Variants in CKAP2 observed in about 807,000 individuals in gnomAD.
The protein encoded by CKAP2 is cytoskeleton associated protein 2, also known as cytoskeleton-associated protein 2.
Under a neutral mutation model 58.4 loss-of-function variants are expected in CKAP2, and 46 were observed. The observed-to-expected ratio is 0.79, with a 90% CI of 0.62 to 1.01. The LOEUF is 1.01. Ranked by LOEUF, CKAP2 falls within the 50% of genes least tolerant of loss-of-function variation. CKAP2 has a pLI of 0.00. For missense variants in CKAP2, 809 were observed against 796.4 expected (o/e 1.02, Z -0.19); for synonymous variants, 293 against 280.9 (o/e 1.04, Z -0.43).
chr13:52,455,697 C>A, intron 1 of CKAP2, 71 bp downstream of exon 1: 2 of 1,383,646 alleles, frequency 1.4e-6, no homozygotes, highest in South Asian at 1.8e-5. Flanking sequence ...GCGGTCGGGG[C>A]TCGGGGCCGC....
chr13:52,465,123 C>G (rs116659060), intron 5 of CKAP2, among the ~76,000 whole-genome samples, 172 bp from the exon 6 acceptor site: 1 of 152,088 alleles, frequency 6.6e-6, no homozygotes, highest in African/African-American at 2.4e-5. Flanking sequence ...AGGATAAAAT[C>G]AAGATCAAAT....
Position 52,475,141 on chromosome 13 carries a change from A to G in CKAP2, c.2049A>G (p.Ter683=), listed in dbSNP as rs767702348. ...TGTACTATGAGGCTGATACAACATA[A>G]GAGAAATAAAGCTCTGTTAGGGAAT... is the stretch of plus-strand genomic sequence containing the variant. ...CRVYYEADTT[*] The change falls in exon 9 of 9, where the codon TAA becomes TAG. Residue 683 remains the stop codon, a stop_retained_variant. Transcript: ENST00000258607. 8.1e-6 allele frequency: 13 copies of G among 1,611,548 alleles called. No individual in the cohort carries two copies. The highest frequency in any genetic ancestry group is 1.1e-5 in the Non-Finnish European group (13 of 1,178,654).
At chr13:52,464,148 TA>T (rs1958627017) in intron 5 of CKAP2, among the ~76,000 whole-genome samples, 1 of 152,228 alleles carries the variant, frequency 6.6e-6, no homozygotes, top group African/African-American at 2.4e-5. Flanking sequence ...TCATTATATT[TA>T]CACATTATTT....
At chr13:52,459,975 C>T (rs1958544437) in intron 2 of CKAP2, among the ~76,000 whole-genome samples, 1 of 152,088 alleles carries the variant, frequency 6.6e-6, no homozygotes, top group African/African-American at 2.4e-5. Context: ...GTCCTCCACC[C>T]CAGCCTCCCA....
In CKAP2 at chr13:52,465,302, CA is replaced by C. The variant is rs1958649801; in HGVS notation, c.1317del (p.Glu440LysfsTer7). The C allele has an allele frequency of 6.3e-7, 1 of 1,598,126 alleles. No homozygotes were observed. The highest frequency in any genetic ancestry group is 1.8e-5 in the Admixed American group (1 of 54,926). On this transcript the variant is annotated frameshift_variant, in exon 6 of 9. Coordinates refer to ENST00000258607, the MANE Select transcript of CKAP2 (RefSeq NM_018204.5). LOFTEE classifies it high-confidence loss of function. Reference protein sequence around the residue: ...ECLNLINEGCPKEDILVTLND... With the variant: ...ECLNLINEGCXKEDILVTLND... The stretch of plus-strand genomic sequence containing the variant: ...TTTTTCTTGCTTTTTTAGGGATGTC[CA>C]AAAGAAGATATACTGGTCACACTGA...
chr13:52,461,514 A>G lies in CKAP2; in HGVS notation c.688A>G (p.Asn230Asp), dbSNP rs747554869. The G allele has an allele frequency of 1.9e-5, 31 of 1,614,070 alleles. No individual in the cohort carries two copies. The highest frequency in any genetic ancestry group is 2.5e-5 in the Non-Finnish European group (29 of 1,180,046). ...CACCAGCAGTGTAACAGTGAAAAGTAATAGATCCTCCAATATGACTGCCAC... is the reference window on the plus strand; with the variant it reads ...CACCAGCAGTGTAACAGTGAAAAGTGATAGATCCTCCAATATGACTGCCAC... ...VNTSSVTVKS[N>D]RSSNMTATTK... Residue 230 changes from asparagine (N) to aspartate (D), a missense_variant, in exon 4 of 9, where the codon AAT (asparagine) becomes GAT (aspartate). Asn to Asp is a conservative substitution (Grantham distance 23, BLOSUM62 1). Around this residue, in one of 3 missense-constraint regions of CKAP2, gnomAD observed 523 missense variants for 492.4 expected, o/e 1.06. Coordinates refer to ENST00000258607, the MANE Select transcript of CKAP2 (RefSeq NM_018204.5).
intron 7 of CKAP2, among the ~76,000 whole-genome samples, chr13:52,471,137 A>G (rs546797606): frequency 2.0e-5 from 3 of 152,138 alleles, no homozygotes; most frequent in Non-Finnish European, 4.4e-5. Context: ...CAGCCTGGTG[A>G]CAGAGTGAGA....
At position 52,474,051 on chromosome 13, in the gene CKAP2, A is replaced by C. The variant is rs1208220965; in HGVS notation, c.1769A>C (p.Lys590Thr). The C allele has an allele frequency of 6.2e-7, 1 of 1,613,784 alleles. No individual in the cohort carries two copies. The highest frequency in any genetic ancestry group is 8.5e-7 in the Non-Finnish European group (1 of 1,179,888). ...NTETRTSCLI[K>T]YNVSTTPYLQ... The stretch of plus-strand genomic sequence containing the variant: ...GAAACGAGGACAAGTTGCTTAATTA[A>C]ATATAATGTGTCTACTACGCCATAC... Residue 590 changes from lysine (K) to threonine (T), a missense_variant, in exon 8 of 9, where the codon AAA becomes ACA. Coordinates refer to ENST00000258607, the MANE Select transcript of CKAP2 (RefSeq NM_018204.5).
chr13:52,464,990 C>G (rs1958643248), intron 5 of CKAP2, among the ~76,000 whole-genome samples: 1 of 152,074 alleles, frequency 6.6e-6, no homozygotes, highest in African/African-American at 2.4e-5. Flanking sequence ...TAAACCATTA[C>G]AGATTCATTT....
Position 52,468,287 on chromosome 13 carries a change from G to A in CKAP2, c.1486G>A (p.Glu496Lys). ...CATTAAAAAAATTAAGCCTATTGAA[G>A]AGATGCGACACACGATTGTAGATAT... The part of the protein sequence containing the change: ...AILAGAQPIE[E>K]MRHTIVDILT... The change falls in exon 7 of 9, where the codon GAG becomes AAG. Residue 496 changes from glutamate to lysine, a missense_variant. Glu to Lys is a moderately conservative substitution (Grantham distance 56). Around this residue, in one of 3 missense-constraint regions of CKAP2, gnomAD observed 283 missense variants for 287.6 expected, o/e 0.98. Transcript: ENST00000258607. The A allele has an allele frequency of 6.3e-7, 1 of 1,592,712 alleles. No individual in the cohort carries two copies. The highest frequency in any genetic ancestry group is 8.6e-7 in the Non-Finnish European group (1 of 1,169,074).
chr13:52,469,004 G>A (rs1290430670), intron 7 of CKAP2, among the ~76,000 whole-genome samples: 2 of 152,222 alleles, frequency 1.3e-5, no homozygotes, highest in East Asian at 1.9e-4. Context: ...CAATGTAAAC[G>A]CATTCCTTTT....
At position 52,462,415 on chromosome 13, in the gene CKAP2, C is replaced by T; in HGVS notation, c.1153C>T (p.Pro385Ser). 1 of 1,614,046 alleles carries T rather than the reference C, an allele frequency of 6.2e-7. No homozygotes were observed. The highest frequency in any genetic ancestry group is 1.7e-4 in the Middle Eastern group (1 of 6,060). ...AGKGRVLKRPPNSVVTQHEPA... is the reference protein window; with the variant it reads ...AGKGRVLKRPSNSVVTQHEPA... ...CAAAGGAAGAGTGCTAAAAAGGCCC[C>T]CTAATTCAGTAGTTACTCAGCATGA... is the stretch of plus-strand genomic sequence containing the variant. The change falls in exon 5 of 9, where the codon CCT (proline) becomes TCT (serine). Residue 385 changes from proline to serine, a missense_variant. Around this residue, in one of 3 missense-constraint regions of CKAP2, gnomAD observed 523 missense variants for 492.4 expected, o/e 1.06. Coordinates refer to ENST00000258607, the MANE Select transcript of CKAP2 (RefSeq NM_018204.5).
At chr13:52,456,855 G>T (rs921207214) in intron 2 of CKAP2, among the ~76,000 whole-genome samples, 5 of 152,020 alleles carry the variant, frequency 3.3e-5, no homozygotes, top group African/African-American at 1.2e-4. Flanking sequence ...TTGGCTAGTG[G>T]CTACTTTATT....
chr13:52,460,569 C>A (rs9526921), intron 2 of CKAP2, among the ~76,000 whole-genome samples: 38 of 149,756 alleles, frequency 2.5e-4, no homozygotes, highest in African/African-American at 8.6e-4. Flanking sequence ...CTCAGCCTCC[C>A]TAGTAGCTGG....
intron 7 of CKAP2, among the ~76,000 whole-genome samples, chr13:52,471,214 G>A (rs1237020494): frequency 3.3e-5 from 5 of 152,118 alleles, no homozygotes; most frequent in African/African-American, 1.2e-4. Context: ...ACAAAAGACA[G>A]CGACGTGGAA....
At position 52,473,883 on chromosome 13, in the gene CKAP2, T is replaced by C; in HGVS notation, c.1601T>C (p.Ile534Thr). Residue 534 changes from isoleucine to threonine, a missense_variant, in exon 8 of 9, where the codon ATT becomes ACT. Around this residue, in one of 3 missense-constraint regions of CKAP2, gnomAD observed 283 missense variants for 287.6 expected, o/e 0.98. Coordinates refer to ENST00000258607, the MANE Select transcript of CKAP2 (RefSeq NM_018204.5). ...ASKEEVKEVS[I>T]EDTGVDVDPE... ...AAGGAAGAAGTCAAAGAAGTCAGTA[T>C]TGAAGATACAGGTGTTGATGTAGAT... The C allele has an allele frequency of 6.2e-7, 1 of 1,613,772 alleles. No individual in the cohort carries two copies. The highest frequency in any genetic ancestry group is 8.5e-7 in the Non-Finnish European group (1 of 1,179,744).
chr13:52,467,100 CAA>C (rs34473477), intron 6 of CKAP2, among the ~76,000 whole-genome samples: 2,538 of 110,614 alleles, frequency 0.023, 66 homozygotes, highest in African/African-American at 0.076. Context: ...CACCCTGTCT[CAA>C]AAAAAAAAAA....
chr13:52,471,321 T>C (rs1038355693), intron 7 of CKAP2, among the ~76,000 whole-genome samples: 2 of 152,212 alleles, frequency 1.3e-5, no homozygotes, highest in African/African-American at 4.8e-5. Flanking sequence ...TCCTATCTTA[T>C]AGGATAGTAC....
rs116487741 is a variant in CKAP2, at chr13:52,455,913, T to C, written c.70+287T>C. The C allele has an allele frequency of 3.4e-3, 3,864 of 1,148,014 alleles. 25 individuals are homozygous for C. Among genetic ancestry groups the C allele is most frequent in the African/African-American group, 0.018 (1,081 of 60,080 alleles). 71.1% of individuals were successfully genotyped at this position (1,148,014 alleles called of 1,614,324 possible). ...GAAACGCGCGGGCCTCAGGCCGGGG[T>C]CGGTGTCGGAGACCCTGGGTCCGCT... On this transcript the variant is annotated intron_variant, in intron 1 of 8. Transcript: ENST00000258607.
Sources: gnomAD v4.1 joint callset for allele counts (sites outside exome capture counted in the v4.1 genomes callset) on GRCh38, gnomAD v4.1.1 for gene constraint, gnomAD v4.1.1 regional missense constraint, MANE v1.5 for transcripts, NCBI Gene and HGNC (gene_info 2026-07-23, HGNC 2026-07-21) for gene names.